GLRB: variants seen among roughly 807,000 people sequenced by gnomAD.
GLRB encodes glycine receptor beta, also known as glycine receptor subunit beta.
GLRB carries 33 observed loss-of-function variants against 54.2 expected under a neutral mutation model. The ratio of observed to expected loss-of-function variants is 0.61; its 90% CI spans 0.46 to 0.81. The LOEUF (loss-of-function observed/expected upper bound fraction) is 0.81. Among genes scored for constraint, GLRB ranks in the 40% least tolerant of loss-of-function variants. The probability of loss-of-function intolerance (pLI) is 0.00; values close to 1 mark genes in which losing one functional copy is unlikely to be tolerated. For missense variants in GLRB, 572 were observed against 584.6 expected, an observed-to-expected ratio of 0.98 and a Z score of 0.22; for synonymous variants, 209 against 208.2, an observed-to-expected ratio of 1.00 and a Z score of -0.03.
At chr4:157,115,304 T>C (rs1324904434) in intron 2 of GLRB, among the ~76,000 whole-genome samples, 1 of 141,518 alleles carries the variant, frequency 7.1e-6, no homozygotes, top group Non-Finnish European at 1.5e-5. Context: ...TACTGTAAGA[T>C]ACCTGCTCTT....
intron 7 of GLRB, 84 bp downstream of exon 7, chr4:157,139,033 G>C: frequency 1.3e-6 from 1 of 747,680 alleles, no homozygotes; most frequent in Non-Finnish European, 2.3e-6. Flanking sequence ...GAGTAGAAAA[G>C]AAGTGGCCAA....
intron 9 of GLRB, among the ~76,000 whole-genome samples, chr4:157,158,863 A>G (rs1036627864): frequency 3.3e-5 from 5 of 150,328 alleles, no homozygotes; most frequent in South Asian, 2.1e-4. Context: ...TTCCAATTCT[A>G]TGAAGAAAGT....
intron 4 of GLRB, among the ~76,000 whole-genome samples, chr4:157,127,252 T>C (rs536200411): frequency 6.6e-6 from 1 of 151,980 alleles, no homozygotes; most frequent in African/African-American, 2.4e-5. Context: ...TACTATAGAA[T>C]AATAGAATTT....
chr4:157,138,983 A>G (rs774719882), intron 7 of GLRB, 34 bp downstream of exon 7: 1 of 1,165,994 alleles, frequency 8.6e-7, no homozygotes, highest in East Asian at 2.4e-5. Flanking sequence ...ACGAAGTTCT[A>G]TTTCAAAGAT....
chr4:157,159,838 T>C (rs76900728), intron 9 of GLRB, among the ~76,000 whole-genome samples: 5 of 152,150 alleles, frequency 3.3e-5, no homozygotes. Context: ...CAGGATGATG[T>C]TGGCCTCATT....
In GLRB at chr4:157,160,892, T is replaced by A. The variant is rs1047539058; in HGVS notation, c.1197+7882T>A. On this transcript the variant is annotated intron_variant, in intron 9 of 9. Coordinates refer to ENST00000264428, the MANE Select transcript of GLRB (RefSeq NM_000824.5). ...GTTCAATTCCTGGATATCTTTGTTA[T>A]CTTTCTGTGTCGTTGATCTGTCTAA... Among the ~76,000 whole-genome samples, 572 of 152,178 alleles carry A rather than the reference T, an allele frequency of 3.8e-3. 13 individuals carry two copies. The highest frequency in any genetic ancestry group is 3.8e-3 in the Admixed American group (58 of 15,286).
chr4:157,162,730 G>C (rs986247695), intron 9 of GLRB, among the ~76,000 whole-genome samples: 3 of 152,188 alleles, frequency 2.0e-5, no homozygotes, highest in Non-Finnish European at 2.9e-5. Context: ...GCTGTATGAG[G>C]TGTCAGTTGG....
chr4:157,163,829 A>AGTGTGTGTGTGTGTGTGTGT (rs3054934), intron 9 of GLRB, among the ~76,000 whole-genome samples: 3,082 of 146,312 alleles, frequency 0.021, 101 homozygotes, highest in African/African-American at 0.069. Flanking sequence ...TGTCTGTGTG[A>AGTGTGTGTGTGTGTGTGTGT]GTGTGTGTGT....
At chr4:157,168,495 A>G (rs1737799832) in intron 9 of GLRB, among the ~76,000 whole-genome samples, 1 of 151,608 alleles carries the variant, frequency 6.6e-6, no homozygotes, top group Non-Finnish European at 1.5e-5. Context: ...AACTGTCTAG[A>G]AAAAAAAATC....
chr4:157,114,331 C>A (rs1332231373), intron 2 of GLRB, among the ~76,000 whole-genome samples: 1 of 150,562 alleles, frequency 6.6e-6, no homozygotes, highest in Non-Finnish European at 1.5e-5. Context: ...CCTGGTCTCT[C>A]TCTCTCTTTC....
intron 4 of GLRB, among the ~76,000 whole-genome samples, chr4:157,126,031 G>T (rs1736004856): frequency 6.6e-6 from 1 of 151,820 alleles, no homozygotes. Context: ...CAGAGCCTGG[G>T]AGTAGATATA....
chr4:157,077,381 T>C (rs577750949), intron 1 of GLRB, among the ~76,000 whole-genome samples: 3 of 152,222 alleles, frequency 2.0e-5, no homozygotes, highest in African/African-American at 4.8e-5. Flanking sequence ...GGCACCTTTT[T>C]GGGGCAAAAA....
chr4:157,167,437 A>G (rs1579258965), intron 9 of GLRB, among the ~76,000 whole-genome samples: 2 of 152,220 alleles, frequency 1.3e-5, no homozygotes, highest in East Asian at 3.8e-4. Context: ...GTCTGTAACA[A>G]TAATAGGGCA....
chr4:157,100,823 A>G (rs149414088), intron 2 of GLRB, among the ~76,000 whole-genome samples: 3 of 152,286 alleles, frequency 2.0e-5, no homozygotes, highest in Non-Finnish European at 2.9e-5. Flanking sequence ...AATACAAACT[A>G]TGACACTGAA....
chr4:157,152,880 A>G lies in GLRB; in HGVS notation c.1067A>G (p.Asn356Ser), dbSNP rs543764621. 2.0e-5 allele frequency: 33 copies of G among 1,614,030 alleles called. No homozygotes were observed. In the South Asian group the frequency reaches 2.7e-4, roughly 13 times the overall value. ...GCAGTTGTCCAGGTGATGCTGAACA[A>G]CCCCAAAAGGGTTGAAGCTGAAAAA... ...EYAVVQVMLN[N>S]PKRVEAEKAR... The change falls in exon 9 of 10, where the codon AAC becomes AGC. Residue 356 changes from asparagine to serine, a missense_variant. Transcript: ENST00000264428.
At chr4:157,160,781 T>C (rs1371688035) in intron 9 of GLRB, among the ~76,000 whole-genome samples, 2 of 152,180 alleles carry the variant, frequency 1.3e-5, no homozygotes, top group Non-Finnish European at 2.9e-5. Flanking sequence ...ATAAGTGTGA[T>C]GTGGTGCTGA....
intron 9 of GLRB, among the ~76,000 whole-genome samples, chr4:157,166,692 G>A (rs1370377272): frequency 1.3e-5 from 2 of 151,980 alleles, no homozygotes; most frequent in East Asian, 1.9e-4. Flanking sequence ...TCCGAGAGAC[G>A]TTTTAAAGAC....
At chr4:157,102,101 G>C (rs1203418218) in intron 2 of GLRB, among the ~76,000 whole-genome samples, 1 of 152,126 alleles carries the variant, frequency 6.6e-6, no homozygotes, top group African/African-American at 2.4e-5. Context: ...GCTAAATTGA[G>C]CAATAGCTCA....
At chr4:157,098,763 G>A (rs1435510226) in intron 2 of GLRB, among the ~76,000 whole-genome samples, 1 of 151,794 alleles carries the variant, frequency 6.6e-6, no homozygotes, top group Non-Finnish European at 1.5e-5. Context: ...GCACCACCAT[G>A]CTGGCTAATT....
Sources: gnomAD v4.1 joint callset for allele counts (sites outside exome capture counted in the v4.1 genomes callset) on GRCh38, gnomAD v4.1.1 for gene constraint, MANE v1.5 for transcripts, NCBI Gene and HGNC (gene_info 2026-07-23, HGNC 2026-07-21) for gene names.